ATP8A2: variants seen among roughly 807,000 people sequenced by gnomAD.
ATP8A2 encodes the protein phospholipid-transporting ATPase IB.
ATP8A2 carries 100 observed loss-of-function variants against 165.6 expected under a neutral mutation model. That is an observed-to-expected ratio of 0.60 (90% CI 0.51 to 0.71). The LOEUF is 0.71. Ranked by LOEUF, ATP8A2 falls within the 30% of genes least tolerant of loss-of-function variation. The pLI, the probability that ATP8A2 is intolerant of heterozygous loss-of-function variation, is 0.00. For missense variants in ATP8A2, 1,227 were observed against 1,479.5 expected (o/e 0.83, Z 2.80); for synonymous variants, 543 against 548.8 (o/e 0.99, Z 0.15).
chr13:25,950,097 G>A (rs1322065687), intron 33 of ATP8A2, among the ~76,000 whole-genome samples: 1 of 152,110 alleles, frequency 6.6e-6, no homozygotes, highest in Admixed American at 6.6e-5. Context: ...ACCGCTCCCA[G>A]CCCAGACTGC....
intron 11 of ATP8A2, 68 bp downstream of exon 11, chr13:25,551,571 G>A (rs553031505): frequency 1.9e-5 from 29 of 1,489,976 alleles, no homozygotes; most frequent in Non-Finnish European, 2.5e-5. Flanking sequence ...TTGCAGCCAT[G>A]GTTGAAGTGT....
intron 33 of ATP8A2, among the ~76,000 whole-genome samples, chr13:25,919,598 A>C (rs1301644628): frequency 6.6e-6 from 1 of 151,466 alleles, no homozygotes; most frequent in African/African-American, 2.4e-5. Flanking sequence ...AGGGAAGTTT[A>C]CCCTCCCTCA....
chr13:25,660,079 C>A (rs1430635710), intron 24 of ATP8A2, among the ~76,000 whole-genome samples: 1 of 152,114 alleles, frequency 6.6e-6, no homozygotes, highest in African/African-American at 2.4e-5. Flanking sequence ...TTATGTTGGA[C>A]AAGTTTAGCT....
At chr13:25,722,076 G>T (rs2043394035) in intron 25 of ATP8A2, among the ~76,000 whole-genome samples, 1 of 152,156 alleles carries the variant, frequency 6.6e-6, no homozygotes, top group Non-Finnish European at 1.5e-5. Flanking sequence ...AGTGTGGAAA[G>T]GTTCTAATTC....
In ATP8A2 at chr13:25,543,305, G is replaced by T; in HGVS notation, c.794G>T (p.Gly265Val). Reference protein sequence around the residue: ...NLDGKSLVALGPDQILLRGTQ... With the variant: ...NLDGKSLVALVPDQILLRGTQ... ...TTTATTTTTAGCCTTGTTGCCCTTG[G>T]GCCTGACCAGATCTTATTAAGAGGT... The change falls in exon 10 of 37, where the codon GGG (glycine) becomes GTG (valine). Residue 265 changes from glycine (G) to valine (V), a missense_variant. Physicochemically the swap from Gly to Val is moderately radical, Grantham distance 109 (BLOSUM62 -3). Transcript: ENST00000381655. 6.2e-7 allele frequency: 1 copy of T among 1,607,000 alleles called. No homozygotes were observed. Among genetic ancestry groups the T allele is most frequent in the Non-Finnish European group, 8.5e-7 (1 of 1,174,834 alleles).
intron 1 of ATP8A2, among the ~76,000 whole-genome samples, chr13:25,383,642 A>T (rs2137936236): frequency 6.6e-6 from 1 of 152,328 alleles, no homozygotes; most frequent in Admixed American, 6.5e-5. Context: ...GTATTTTGAT[A>T]GTATTTTTGC....
At chr13:25,735,080 A>T (rs2043737960) in intron 25 of ATP8A2, among the ~76,000 whole-genome samples, 1 of 152,178 alleles carries the variant, frequency 6.6e-6, no homozygotes, top group African/African-American at 2.4e-5. Flanking sequence ...AATGTAATTT[A>T]TTTAATATGG....
chr13:25,703,027 C>T (rs952331500), intron 25 of ATP8A2, among the ~76,000 whole-genome samples: 1 of 152,138 alleles, frequency 6.6e-6, no homozygotes, highest in African/African-American at 2.4e-5. Context: ...ACATTAGTGA[C>T]TTCTCACAAC....
intron 33 of ATP8A2, among the ~76,000 whole-genome samples, chr13:25,862,652 C>T (rs777115434): frequency 2.6e-5 from 4 of 152,194 alleles, no homozygotes; most frequent in Admixed American, 2.0e-4. Flanking sequence ...CTTAAATCCT[C>T]CGGCTTATTG....
intron 33 of ATP8A2, among the ~76,000 whole-genome samples, chr13:25,954,478 G>A (rs536133385): frequency 8.1e-4 from 124 of 152,282 alleles, no homozygotes; most frequent in African/African-American, 2.6e-3. Context: ...ACAGAGCAGC[G>A]GACCTCCCAG....
At chr13:25,949,825 G>T (rs9511985) in intron 33 of ATP8A2, among the ~76,000 whole-genome samples, 6,494 of 152,050 alleles carry the variant, frequency 0.043, 200 homozygotes, top group Middle Eastern at 0.088. Flanking sequence ...TCTGAGACAG[G>T]GTCTCGCTCT....
At chr13:25,561,779 G>A (rs950592337) in intron 15 of ATP8A2, among the ~76,000 whole-genome samples, 1 of 152,034 alleles carries the variant, frequency 6.6e-6, no homozygotes, top group East Asian at 1.9e-4. Context: ...ATTCTTCATT[G>A]CTGCCTGCCT....
chr13:25,679,535 G>A (rs756043158), intron 24 of ATP8A2, among the ~76,000 whole-genome samples: 1 of 152,118 alleles, frequency 6.6e-6, no homozygotes, highest in Non-Finnish European at 1.5e-5. Flanking sequence ...ACTTATGACT[G>A]TCAGCACTAC....
At chr13:25,570,897 C>A in intron 17 of ATP8A2, 25 bp downstream of exon 17, 1 of 1,547,970 alleles carries the variant, frequency 6.5e-7, no homozygotes, top group Non-Finnish European at 8.9e-7. Flanking sequence ...CGGATGCGCC[C>A]TGCTGGCCCC....
intron 24 of ATP8A2, among the ~76,000 whole-genome samples, chr13:25,667,418 A>G (rs921037567): frequency 6.6e-6 from 1 of 152,164 alleles, no homozygotes; most frequent in Non-Finnish European, 1.5e-5. Context: ...TTTTAGGAGA[A>G]TGGATTAATT....
chr13:25,935,319 C>T (rs566689714), intron 33 of ATP8A2, among the ~76,000 whole-genome samples: 8 of 152,282 alleles, frequency 5.3e-5, no homozygotes, highest in African/African-American at 1.9e-4. Context: ...AAACTCTCCA[C>T]CATTGTCAGA....
intron 24 of ATP8A2, among the ~76,000 whole-genome samples, chr13:25,617,057 G>A (rs889260605): frequency 6.6e-6 from 1 of 152,190 alleles, no homozygotes; most frequent in African/African-American, 2.4e-5. Flanking sequence ...TTGCAGACAT[G>A]TAAATAGCTT....
At position 25,372,260 on chromosome 13, in the gene ATP8A2, G is replaced by A; in HGVS notation, c.48G>A (p.Pro16=). ...GLDKALKMSL[P]RRSRIRSSVG... ...ACAAAGCTCTTAAGATGTCCCTGCC[G>A]CGGAGGTCGAGGATCCGCTCGTCCG... The change falls in exon 1 of 37, where the codon CCG becomes CCA. Residue 16 remains proline (P), a synonymous_variant. Transcript: ENST00000381655. This position sits in a 1 kb window ranked among gnomAD's most constrained non-coding sequence, Gnocchi z 4.8. 1 of 1,479,184 alleles carries A rather than the reference G, an allele frequency of 6.8e-7. No individual in the cohort carries two copies. The allele number at this position is 1,479,184 out of a possible 1,614,324, so 91.6% of individuals were successfully genotyped here.
intron 24 of ATP8A2, among the ~76,000 whole-genome samples, chr13:25,671,032 C>A (rs914156191): frequency 6.6e-6 from 1 of 152,174 alleles, no homozygotes; most frequent in Admixed American, 6.5e-5. Flanking sequence ...GGACCCCAAA[C>A]GGAGGGACCG....
Sources: gnomAD v4.1 joint callset for allele counts (sites outside exome capture counted in the v4.1 genomes callset) on GRCh38, gnomAD v4.1.1 for gene constraint, Gnocchi (gnomAD v3.1) non-coding constraint, MANE v1.5 for transcripts, NCBI Gene and HGNC (gene_info 2026-07-23, HGNC 2026-07-21) for gene names.